Variants in QTMAN observed in about 807,000 individuals in gnomAD.
QTMAN encodes the protein tRNA-queuosine alpha-mannosyltransferase.
At chr2:144,325,005 T>C in the QTMAN span, among the ~76,000 whole-genome samples, 1 of 152,108 alleles carries the variant, frequency 6.6e-6, no homozygotes, top group South Asian at 2.1e-4. Context: ...CTCTAATCAA[T>C]CCATAAAATT....
chr2:144,297,575 GTC>G, the QTMAN span, among the ~76,000 whole-genome samples: 5 of 142,400 alleles, frequency 3.5e-5, no homozygotes, highest in Middle Eastern at 3.7e-3. Context: ...GCAGGATTCC[GTC>G]TTTTTTTTTT....
the QTMAN span, among the ~76,000 whole-genome samples, chr2:143,993,228 T>C: frequency 6.6e-6 from 1 of 152,230 alleles, no homozygotes; most frequent in Admixed American, 6.5e-5. Context: ...TCTTCAGTGC[T>C]TGATTCACTT....
chr2:143,948,346 C>T, the QTMAN span, among the ~76,000 whole-genome samples: 4 of 152,084 alleles, frequency 2.6e-5, no homozygotes. Context: ...TGTTGAAGAA[C>T]TTGAAGAGGA....
At chr2:144,310,338 G>C in the QTMAN span, among the ~76,000 whole-genome samples, 3 of 152,176 alleles carry the variant, frequency 2.0e-5, no homozygotes, top group East Asian at 5.8e-4. Flanking sequence ...TAGGTAGAGA[G>C]TCCAAAAAAG....
chr2:144,123,728 A>G, the QTMAN span, among the ~76,000 whole-genome samples: 7 of 152,148 alleles, frequency 4.6e-5, no homozygotes, highest in Admixed American at 1.3e-4. Context: ...AATATGATCC[A>G]TAATTTTTCA....
At chr2:144,173,968 C>A in the QTMAN span, among the ~76,000 whole-genome samples, 10 of 152,170 alleles carry the variant, frequency 6.6e-5, no homozygotes, top group Non-Finnish European at 1.5e-4. Context: ...GTGGAAGGAA[C>A]CCAAGTCCCT....
the QTMAN span, among the ~76,000 whole-genome samples, chr2:144,160,432 C>T: frequency 6.6e-6 from 1 of 152,028 alleles, no homozygotes; most frequent in Non-Finnish European, 1.5e-5. Context: ...ATCAGTTGTA[C>T]AAATAAGAAA....
At chr2:144,138,254 T>C in the QTMAN span, among the ~76,000 whole-genome samples, 16 of 152,072 alleles carry the variant, frequency 1.1e-4, no homozygotes, top group Admixed American at 9.2e-4. Context: ...GACCACAGGA[T>C]TTAGAGGCAG....
chr2:144,238,653 G>A, the QTMAN span, among the ~76,000 whole-genome samples: 3 of 151,960 alleles, frequency 2.0e-5, no homozygotes, highest in East Asian at 1.9e-4. Context: ...TTCTAGGAAC[G>A]TGCACTATCT....
the QTMAN span, among the ~76,000 whole-genome samples, chr2:144,273,332 A>C: frequency 6.6e-6 from 1 of 152,210 alleles, no homozygotes; most frequent in Non-Finnish European, 1.5e-5. Flanking sequence ...TTATTCCAAC[A>C]TGATCTCAAT....
At chr2:144,110,126 G>C in the QTMAN span, among the ~76,000 whole-genome samples, 6 of 152,154 alleles carry the variant, frequency 3.9e-5, no homozygotes, top group Non-Finnish European at 5.9e-5. Flanking sequence ...CAATAGCAAA[G>C]ACTTGGAACC....
At chr2:144,173,260 C>T in the QTMAN span, among the ~76,000 whole-genome samples, 1 of 152,142 alleles carries the variant, frequency 6.6e-6, no homozygotes, top group African/African-American at 2.4e-5. Context: ...TATTCATGCC[C>T]TGTGTAATCC....
chr2:144,148,351 TTAATC>T, the QTMAN span, among the ~76,000 whole-genome samples: 3 of 151,994 alleles, frequency 2.0e-5, no homozygotes, highest in East Asian at 3.9e-4. Context: ...TAACAGTTGA[TTAATC>T]TATGTGAACA....
At chr2:144,090,270 TG>T in the QTMAN span, among the ~76,000 whole-genome samples, 2 of 152,166 alleles carry the variant, frequency 1.3e-5, no homozygotes, top group Admixed American at 1.3e-4. Flanking sequence ...TGCTTAACAG[TG>T]AAAGACTAAA....
the QTMAN span, among the ~76,000 whole-genome samples, chr2:144,028,215 C>G: frequency 2.0e-5 from 3 of 152,242 alleles, no homozygotes; most frequent in South Asian, 6.2e-4. Flanking sequence ...CTAAAAAGAA[C>G]ATAGACTGTT....
the QTMAN span, chr2:143,941,320 G>C: frequency 6.6e-6 from 1 of 152,138 alleles, no homozygotes; most frequent in Non-Finnish European, 1.5e-5. Flanking sequence ...GTGACAGATG[G>C]GGTATACTCA....
the QTMAN span, chr2:144,317,723 G>C: frequency 6.6e-6 from 1 of 152,126 alleles, no homozygotes; most frequent in East Asian, 1.9e-4. Context: ...CTTCTGACCT[G>C]ATACAAAACT....
the QTMAN span, chr2:144,295,443 G>T: frequency 1.3e-5 from 2 of 152,118 alleles, no homozygotes; most frequent in African/African-American, 4.8e-5. Flanking sequence ...ATGTATGAAC[G>T]CCAACACTCC....
At chr2:144,320,594 G>A in the QTMAN span, among the ~76,000 whole-genome samples, 1 of 152,076 alleles carries the variant, frequency 6.6e-6, no homozygotes, top group Non-Finnish European at 1.5e-5. Flanking sequence ...TCCAACTTTG[G>A]CCTGCTCCAT....
Sources: allele counts gnomAD v4.1 joint callset (sites outside exome capture counted in the v4.1 genomes callset), GRCh38; gene constraint gnomAD v4.1.1; transcripts MANE v1.5; gene names NCBI Gene and HGNC (gene_info 2026-07-23, HGNC 2026-07-21).